Variants in DST observed in about 807,000 individuals in gnomAD.
The protein encoded by DST is dystonin, also known as bullous pemphigoid antigen.
A neutral mutation model predicts 875.2 loss-of-function variants in DST; 253 were observed. The observed-to-expected ratio is 0.29, with a 90% CI of 0.26 to 0.32. The LOEUF (loss-of-function observed/expected upper bound fraction) is 0.32. DST is among the 10% of genes least tolerant of loss of function. The pLI is 1.00. For synonymous variants in DST, 3,124 were observed against 3,197.1 expected (o/e 0.98, Z 0.77); for missense variants, 8,287 against 9,111.6 (o/e 0.91, Z 3.68).
chr6:56,842,960 C>T (rs749318863), intron 4 of DST: 39 of 1,184,020 alleles, frequency 3.3e-5, no homozygotes, highest in Non-Finnish European at 4.2e-5. Flanking sequence ...CCTGTTTACT[C>T]GTGCCCAAGG....
chr6:56,851,008 T>A (rs1407697638), intron 4 of DST: 2 of 213,894 alleles, frequency 9.4e-6, no homozygotes, highest in African/African-American at 4.5e-5. Context: ...TCAGTGCCCC[T>A]GGGCAAAAAT....
chr6:56,781,428 G>A (rs544312626), intron 4 of DST, among the ~76,000 whole-genome samples: 11 of 152,114 alleles, frequency 7.2e-5, no homozygotes, highest in African/African-American at 2.7e-4. Context: ...TCCTTGAAGA[G>A]GTCCTTCACG....
At chr6:56,774,342 C>T (rs540192897) in intron 4 of DST, among the ~76,000 whole-genome samples, 121 of 152,150 alleles carry the variant, frequency 8.0e-4, no homozygotes, top group African/African-American at 2.8e-3. Flanking sequence ...CATTTCCCAC[C>T]CACAATATTC....
chr6:56,911,961 G>A (rs1242800202), intron 2 of DST, among the ~76,000 whole-genome samples: 12 of 99,708 alleles, frequency 1.2e-4, no homozygotes, highest in Non-Finnish European at 1.6e-4. Flanking sequence ...AATTTTTCTG[G>A]TCATTCTCAG....
chr6:56,592,170 C>T lies in DST; in HGVS notation c.12903+12G>A. 1.2e-6 allele frequency: 2 copies of T among 1,609,838 alleles called. No individual in the cohort carries two copies. Among genetic ancestry groups the T allele is most frequent in the Non-Finnish European group, 1.7e-6 (2 of 1,178,308 alleles). On this transcript the variant is annotated intron_variant, in intron 49 of 103. Transcript: ENST00000680361. The stretch of plus-strand genomic sequence containing the variant: ...GACTACTGGAAATGTGGATCTTTCT[C>T]TCGCTTTTTACCTTGGTCTCTTCTA...
intron 2 of DST, among the ~76,000 whole-genome samples, chr6:56,930,365 A>T (rs1294197913): frequency 1.3e-5 from 2 of 152,264 alleles, no homozygotes; most frequent in Non-Finnish European, 2.9e-5. Flanking sequence ...CTAACCTTTT[A>T]TCAGCAGCCT....
At chr6:56,495,048 T>G in intron 82 of DST, among the ~76,000 whole-genome samples, 1 of 151,976 alleles carries the variant, frequency 6.6e-6, no homozygotes, top group Non-Finnish European at 1.5e-5. Flanking sequence ...ATTCACAAGG[T>G]TTTGTAATCA....
chr6:56,827,398 C>T (rs2099781953), intron 4 of DST, among the ~76,000 whole-genome samples: 1 of 151,040 alleles, frequency 6.6e-6, no homozygotes, highest in Admixed American at 6.6e-5. Context: ...CCTGCAATCC[C>T]AGCTACTCAG....
intron 5 of DST, among the ~76,000 whole-genome samples, chr6:56,731,856 T>C (rs1029459138): frequency 6.6e-6 from 1 of 152,208 alleles, no homozygotes; most frequent in African/African-American, 2.4e-5. Flanking sequence ...AGTTTGGGCT[T>C]AGAAAGAATT....
intron 15 of DST, among the ~76,000 whole-genome samples, chr6:56,645,381 A>G (rs1426180763): frequency 6.6e-6 from 1 of 152,232 alleles, no homozygotes; most frequent in Non-Finnish European, 1.5e-5. Context: ...CACTTGTAGA[A>G]GCGTGGCAGA....
chr6:56,853,230 T>C (rs900856350), intron 3 of DST, among the ~76,000 whole-genome samples: 1 of 152,214 alleles, frequency 6.6e-6, no homozygotes, highest in African/African-American at 2.4e-5. Context: ...ATTTTTCTAA[T>C]GACAATAAGG....
At chr6:56,910,057 A>G (rs1798193362) in intron 2 of DST, among the ~76,000 whole-genome samples, 1 of 152,248 alleles carries the variant, frequency 6.6e-6, no homozygotes, top group African/African-American at 2.4e-5. Flanking sequence ...TTACCTTTTT[A>G]AAATCTTTTC....
At chr6:56,624,206 G>A (rs1208562910) in intron 36 of DST, among the ~76,000 whole-genome samples, 1 of 152,036 alleles carries the variant, frequency 6.6e-6, no homozygotes, top group African/African-American at 2.4e-5. Flanking sequence ...TCTCAGCTGT[G>A]AGAAAGCCGA....
chr6:56,915,826 C>T (rs139625473), intron 2 of DST, among the ~76,000 whole-genome samples: 68 of 152,296 alleles, frequency 4.5e-4, no homozygotes, highest in African/African-American at 1.5e-3. Context: ...TAATACTTTA[C>T]GCAAGGGAAG....
chr6:56,851,919 A>G, intron 3 of DST: 1 of 1,537,734 alleles, frequency 6.5e-7, no homozygotes, highest in Non-Finnish European at 8.8e-7. Context: ...CCAACAATGA[A>G]GCCAGAATCA....
rs913132380 is a variant in DST at position 56,553,670 on chromosome 6, A to G, written c.15137-15T>C. 6.2e-7 allele frequency: 1 copy of G among 1,600,954 alleles called. No homozygotes were observed. The highest frequency in any genetic ancestry group is 8.5e-7 in the Non-Finnish European group (1 of 1,175,234). Reference sequence around the variant, plus strand: ...GACATGATTCTCTAGAAATAAAATTACAAGATATGTTTATTTTACATCAAA... The same window carrying G: ...GACATGATTCTCTAGAAATAAAATTGCAAGATATGTTTATTTTACATCAAA... On this transcript the variant is annotated splice_polypyrimidine_tract_variant and intron_variant, in intron 60 of 103. Transcript: ENST00000680361.
Position 56,606,151 on chromosome 6 carries a change from G to A in DST, c.8477C>T (p.Pro2826Leu), listed in dbSNP as rs902688828. The A allele has an allele frequency of 1.2e-6, 2 of 1,608,734 alleles. No homozygotes were observed. The highest frequency in any genetic ancestry group is 1.7e-5 in the Admixed American group (1 of 59,128). ...ATCTTCAGCCACATTTTGGCACCTG[G>A]GCTTTCCATTCTCATCTCTTATACC... ...GGGIRDENGK[P>L]RCQNVAEDMD... The change falls in exon 40 of 104, where the codon CCC becomes CTC. Residue 2826 changes from proline (P) to leucine (L), a missense_variant. Pro to Leu is a moderately conservative substitution (Grantham distance 98). Around this residue, in one of 10 missense-constraint regions of DST, gnomAD observed 3,138 missense variants for 3,116.6 expected, o/e 1.01. Coordinates refer to ENST00000680361, the MANE Select transcript of DST (RefSeq NM_001374736.1).
intron 2 of DST, among the ~76,000 whole-genome samples, chr6:56,911,436 G>A (rs1363213391): frequency 6.6e-6 from 1 of 152,174 alleles, no homozygotes. Context: ...CTCTGGTATA[G>A]GCTGAGGCTA....
In DST at chr6:56,605,777, C is replaced by A; in HGVS notation, c.8851G>T (p.Glu2951Ter). The A allele has an allele frequency of 6.2e-7, 1 of 1,612,580 alleles. No individual in the cohort carries two copies. Among genetic ancestry groups the A allele is most frequent in the Non-Finnish European group, 8.5e-7 (1 of 1,179,244 alleles). Residue 2951 changes from glutamate (E) to a stop codon, truncating the protein, a stop_gained, in exon 40 of 104, where the codon GAA (glutamate) becomes TAA (stop). Transcript: ENST00000680361. LOFTEE classifies it high-confidence loss of function. ...HDNNNISSTS[E>*]LGTDLANTKV... Reference sequence around the variant, plus strand: ...GTGTTTGCTAGATCAGTACCTAATTCAGAAGTTGAACTGATATTATTATTA... The same window carrying A: ...GTGTTTGCTAGATCAGTACCTAATTAAGAAGTTGAACTGATATTATTATTA...
Sources: gnomAD v4.1 joint callset for allele counts (sites outside exome capture counted in the v4.1 genomes callset) on GRCh38, gnomAD v4.1.1 for gene constraint, gnomAD v4.1.1 regional missense constraint, MANE v1.5 for transcripts, NCBI Gene and HGNC (gene_info 2026-07-23, HGNC 2026-07-21) for gene names.